URB1: variants seen among roughly 807,000 people sequenced by gnomAD.
URB1 encodes URB1 ribosome biogenesis factor, also known as nucleolar pre-ribosomal-associated protein 1.
A neutral mutation model predicts 242.3 loss-of-function variants in URB1; 197 were observed. The observed-to-expected ratio is 0.81, with a 90% confidence interval of 0.72 to 0.91. The LOEUF (loss-of-function observed/expected upper bound fraction) is 0.91. Ranked by LOEUF, URB1 falls within the 40% of genes least tolerant of loss-of-function variation. URB1 has a pLI of 0.00. For missense variants in URB1, 2,721 were observed against 2,860.5 expected (o/e 0.95, Z 1.11); for synonymous variants, 1,153 against 1,201.8 (o/e 0.96, Z 0.84).
At chr21:32,376,746 T>C (rs529699165) in intron 5 of URB1, among the ~76,000 whole-genome samples, 1 of 152,270 alleles carries the variant, frequency 6.6e-6, no homozygotes, top group East Asian at 1.9e-4. Context: ...CAAGCAATTC[T>C]CCCACCTCAG....
In URB1 at chr21:32,347,325, C is replaced by A; in HGVS notation, c.3499G>T (p.Asp1167Tyr). 1 of 1,551,322 alleles carries A rather than the reference C, an allele frequency of 6.4e-7. No homozygotes were observed. Among genetic ancestry groups the A allele is most frequent in the Non-Finnish European group, 8.7e-7 (1 of 1,147,008 alleles). The change falls in exon 22 of 39, where the codon GAT (aspartate) becomes TAT (tyrosine). Residue 1167 changes from aspartate (D) to tyrosine (Y), a missense_variant. Coordinates refer to ENST00000382751, the MANE Select transcript of URB1 (RefSeq NM_014825.3). ...AGGAGCTCACCACTCTGCAGCTGAT[C>A]CTGGGGGCTGCAGGTCAGCAGCTGC... The part of the protein sequence containing the change: ...LVQLLTCSPQ[D>Y]QLQSGELLWS...
rs550116438 is a variant in URB1 at position 32,354,759 on chromosome 21, G to T, written c.2245+100C>A. On this transcript the variant is annotated intron_variant, in intron 17 of 38. Transcript: ENST00000382751. ...TGCTGCAAAGGGACTGTGTGCACTT[G>T]GCCTAGGGCATTAGTGCAGTTCTTG... is the stretch of plus-strand genomic sequence containing the variant. 6 of 1,413,652 alleles carry T rather than the reference G, an allele frequency of 4.2e-6. No individual in the cohort carries two copies. In the African/African-American group the frequency reaches 5.8e-5, roughly 14 times the overall value. The allele number at this position is 1,413,652 out of a possible 1,614,324, so 87.6% of individuals were successfully genotyped here.
chr21:32,322,252 G>A (rs984948892), intron 33 of URB1, among the ~76,000 whole-genome samples: 3 of 152,290 alleles, frequency 2.0e-5, no homozygotes, highest in Admixed American at 6.5e-5. Context: ...TGAGAATGTC[G>A]TAAAACTCAG....
At chr21:32,356,178 T>C (rs1314250624) in intron 15 of URB1, among the ~76,000 whole-genome samples, 1 of 152,130 alleles carries the variant, frequency 6.6e-6, no homozygotes. Context: ...CTCAGGAGCT[T>C]GAGATCAGCG....
intron 20 of URB1, among the ~76,000 whole-genome samples, chr21:32,350,486 C>G (rs79710708): frequency 1.2e-3 from 186 of 152,360 alleles, no homozygotes; most frequent in African/African-American, 4.4e-3. Flanking sequence ...CTTGACCAGG[C>G]TGCCCTGAAA....
At chr21:32,360,957 G>T (rs1186892852) in intron 13 of URB1, 50 bp downstream of exon 13, 11 of 1,377,896 alleles carry the variant, frequency 8.0e-6, no homozygotes, top group Non-Finnish European at 1.1e-5. Flanking sequence ...CTCTGCTCTG[G>T]TTTATTGGCA....
intron 4 of URB1, among the ~76,000 whole-genome samples, chr21:32,379,815 C>T (rs2033502358): frequency 6.6e-6 from 1 of 152,164 alleles, no homozygotes; most frequent in Non-Finnish European, 1.5e-5. Context: ...CATGGTGAAA[C>T]CCTGTCTCTA....
rs1001111584 is a variant in URB1, at chr21:32,338,701, G to T, written c.4510+6C>A. 1 of 1,550,640 alleles carries T rather than the reference G, an allele frequency of 6.4e-7. No homozygotes were observed. The highest frequency in any genetic ancestry group is 1.4e-5 in the African/African-American group (1 of 72,988). On this transcript the variant is annotated splice_donor_region_variant and intron_variant, in intron 26 of 38. Transcript: ENST00000382751. ...ACGGAATGGAAGGGCTGGGGTGAGG[G>T]GTCACCTTTTACTTGGCTGTCCGGG...
intron 32 of URB1, among the ~76,000 whole-genome samples, chr21:32,323,589 C>T (rs750851721): frequency 1.3e-5 from 2 of 152,176 alleles, no homozygotes; most frequent in African/African-American, 4.8e-5. Flanking sequence ...TGAGCCTAAG[C>T]ATGAATCAAT....
intron 12 of URB1, 94 bp downstream of exon 12, chr21:32,361,798 C>A (rs1052165299): frequency 2.7e-6 from 4 of 1,461,492 alleles, no homozygotes; most frequent in Non-Finnish European, 3.6e-6. Context: ...AAAAACTGCT[C>A]CAGGACTCTC....
At chr21:32,385,523 A>G (rs940911867) in intron 2 of URB1, 22 bp downstream of exon 2, 3 of 1,546,306 alleles carry the variant, frequency 1.9e-6, no homozygotes, top group East Asian at 2.4e-5. Context: ...CTCTTCATCA[A>G]GCCATGTAAG....
At chr21:32,352,689 A>G in intron 19 of URB1, 21 bp downstream of exon 19, 1 of 1,550,066 alleles carries the variant, frequency 6.5e-7, no homozygotes, top group Non-Finnish European at 8.7e-7. Context: ...AGCAGTGACC[A>G]CAGCTGTGGC....
At chr21:32,360,049 C>G (rs929053959) in intron 13 of URB1, 141 bp from the exon 14 acceptor site, 1 of 748,194 alleles carries the variant, frequency 1.3e-6, no homozygotes, top group African/African-American at 1.8e-5. Context: ...CTGTCCTGTG[C>G]TCACCCTCAC....
At position 32,337,404 on chromosome 21, in the gene URB1, C is replaced by T. The variant is rs1452177662; in HGVS notation, c.4621G>A (p.Asp1541Asn). 1.9e-6 allele frequency: 3 copies of T among 1,549,482 alleles called. No individual in the cohort carries two copies. The African/African-American group carries it at 4.1e-5, about 21-fold the overall frequency. Residue 1541 changes from aspartate to asparagine, a missense_variant and splice_region_variant, in exon 27 of 39, where the codon GAT (aspartate) becomes AAT (asparagine). By Grantham distance (23) the Asp-to-Asn change is conservative. Transcript: ENST00000382751. ...GAYGATLSVL[D>N]QKILLLLRAY... ...CACTACCCAGCCCTCACACCCTCAC[C>T]TAGGACGCTGAGAGTGGCGCCATAG...
At chr21:32,346,568 C>A (rs2033087999) in intron 22 of URB1, among the ~76,000 whole-genome samples, 1 of 152,204 alleles carries the variant, frequency 6.6e-6, no homozygotes, top group South Asian at 2.1e-4. Context: ...TGCCTCGACT[C>A]AACATCAACT....
intron 14 of URB1, among the ~76,000 whole-genome samples, chr21:32,359,435 G>A (rs1314846929): frequency 5.3e-5 from 8 of 152,024 alleles, no homozygotes; most frequent in East Asian, 3.9e-4. Flanking sequence ...TTCTCATCTC[G>A]TCTTTAATTC....
rs1376195731 is a variant in URB1, at chr21:32,311,961, C to T, written c.*2957G>A. 2 of 1,613,490 alleles carry T rather than the reference C, an allele frequency of 1.2e-6. No individual in the cohort carries two copies. Among genetic ancestry groups the T allele is most frequent in the Non-Finnish European group, 1.7e-6 (2 of 1,180,042 alleles). On this transcript the variant is annotated 3_prime_UTR_variant, in exon 39 of 39. Transcript: ENST00000382751. ...CGTCAGGAGCAAGCCCAGCGAGCCT[C>T]CCCCTGGAGACAGGACCTCTCAATT...
rs1033747758 is a variant in URB1, at chr21:32,328,906, G to C, written c.4961-3517C>G. ...CAAGAACCTCATGAATAGCAACGTGGCCTTAACAGACCTTCAGATCAAAAT... is the reference window on the plus strand; with the variant it reads ...CAAGAACCTCATGAATAGCAACGTGCCCTTAACAGACCTTCAGATCAAAAT... On this transcript the variant is annotated intron_variant, in intron 30 of 38. Transcript: ENST00000382751. 2.9e-4 allele frequency among the ~76,000 whole-genome samples: 44 copies of C among 152,256 alleles called. 1 individual carries two copies. Among genetic ancestry groups the C allele is most frequent in the Non-Finnish European group, 1.5e-4 (10 of 68,020 alleles).
chr21:32,389,676 A>G (rs2033618388), intron 1 of URB1, among the ~76,000 whole-genome samples: 1 of 152,254 alleles, frequency 6.6e-6, no homozygotes, highest in African/African-American at 2.4e-5. Flanking sequence ...CCACTTATGC[A>G]GTGGGGAAAC....
Sources: gnomAD v4.1 joint callset for allele counts (sites outside exome capture counted in the v4.1 genomes callset) on GRCh38, gnomAD v4.1.1 for gene constraint, MANE v1.5 for transcripts, NCBI Gene and HGNC (gene_info 2026-07-23, HGNC 2026-07-21) for gene names.